The following EEIG2 variants were observed in gnomAD, a reference collection of about 807,000 sequenced individuals.
EEIG2 encodes EEIG family member 2, also known as family with sequence similarity 102 member B.
chr1:108,623,677 A>T, the EEIG2 span, among the ~76,000 whole-genome samples: 8 of 152,084 alleles, frequency 5.3e-5, no homozygotes, highest in African/African-American at 1.7e-4. Context: ...AAATAAAAAA[A>T]TATTTTTTTT....
the EEIG2 span, among the ~76,000 whole-genome samples, chr1:108,607,877 A>G: frequency 1.3e-5 from 2 of 152,174 alleles, no homozygotes; most frequent in African/African-American, 2.4e-5. Context: ...CTGGCCTTCT[A>G]GAGTCTGTCT....
chr1:108,576,482 T>C, the EEIG2 span, among the ~76,000 whole-genome samples: 1 of 128,546 alleles, frequency 7.8e-6, no homozygotes, highest in Admixed American at 8.3e-5. Context: ...GAGTGTGATA[T>C]TCCCCTTCCT....
the EEIG2 span, among the ~76,000 whole-genome samples, chr1:108,588,188 C>T: frequency 1.3e-5 from 2 of 152,116 alleles, no homozygotes; most frequent in Admixed American, 6.6e-5. Context: ...GCAGATATCT[C>T]TTCAAAAAAC....
chr1:108,571,729 C>T, the EEIG2 span, among the ~76,000 whole-genome samples: 3 of 151,986 alleles, frequency 2.0e-5, no homozygotes, highest in Admixed American at 1.3e-4. Flanking sequence ...TAGGTCCTGC[C>T]GCCCACTTCC....
chr1:108,621,066 A>G, the EEIG2 span, among the ~76,000 whole-genome samples: 1 of 152,174 alleles, frequency 6.6e-6, no homozygotes, highest in Non-Finnish European at 1.5e-5. Flanking sequence ...AGTTTATGCC[A>G]TCGTTACAGG....
At chr1:108,613,920 A>G in the EEIG2 span, among the ~76,000 whole-genome samples, 2 of 151,790 alleles carry the variant, frequency 1.3e-5, no homozygotes, top group Non-Finnish European at 1.5e-5. Context: ...TCCTCATCTC[A>G]GTTCCTACTC....
chr1:108,614,627 C>T, the EEIG2 span, among the ~76,000 whole-genome samples: 2 of 152,102 alleles, frequency 1.3e-5, no homozygotes, highest in African/African-American at 4.8e-5. Context: ...ATGGCATGTC[C>T]CCTCTCCTGT....
the EEIG2 span, chr1:108,616,315 A>G: frequency 1.0e-6 from 1 of 976,334 alleles, no homozygotes; most frequent in Non-Finnish European, 1.6e-6. Context: ...AAAATATCGG[A>G]CTAAGTGCTG....
chr1:108,571,984 A>G, the EEIG2 span, among the ~76,000 whole-genome samples: 1 of 152,152 alleles, frequency 6.6e-6, no homozygotes, highest in Non-Finnish European at 1.5e-5. Flanking sequence ...TGAGAAAAAT[A>G]ACTACATTTC....
At chr1:108,586,314 GGTGTGT>G in the EEIG2 span, among the ~76,000 whole-genome samples, 1,031 of 148,086 alleles carry the variant, frequency 7.0e-3, 7 homozygotes, top group African/African-American at 0.023. Flanking sequence ...TACGCAGAGG[GGTGTGT>G]GTGTGTGTGT....
the EEIG2 span, among the ~76,000 whole-genome samples, chr1:108,599,198 A>G: frequency 6.6e-6 from 1 of 152,124 alleles, no homozygotes; most frequent in Non-Finnish European, 1.5e-5. Flanking sequence ...AACAACTGAT[A>G]GATCGTAATA....
chr1:108,620,425 T>A, the EEIG2 span, among the ~76,000 whole-genome samples: 1 of 152,222 alleles, frequency 6.6e-6, no homozygotes, highest in South Asian at 2.1e-4. Context: ...CATAGTTCTC[T>A]ACAACTCATC....
the EEIG2 span, among the ~76,000 whole-genome samples, chr1:108,573,080 T>C: frequency 6.6e-6 from 1 of 152,222 alleles, no homozygotes; most frequent in African/African-American, 2.4e-5. Context: ...TGTTTCTGTG[T>C]AGACATAAGC....
the EEIG2 span, chr1:108,628,113 T>C: frequency 6.8e-7 from 1 of 1,470,492 alleles, no homozygotes; most frequent in Non-Finnish European, 9.5e-7. Context: ...AGAATACAAA[T>C]TGACCATTAA....
At chr1:108,632,736 ATATACTC>A in the EEIG2 span, among the ~76,000 whole-genome samples, 1 of 152,080 alleles carries the variant, frequency 6.6e-6, no homozygotes, top group Non-Finnish European at 1.5e-5. Flanking sequence ...AAATGACATA[ATATACTC>A]AGTAAGCCCT....
chr1:108,612,313 T>G, the EEIG2 span: 1 of 1,515,504 alleles, frequency 6.6e-7, no homozygotes, highest in Non-Finnish European at 9.1e-7. Flanking sequence ...GTTTCAGGAT[T>G]TACTTGTCAA....
chr1:108,639,255 CTTTTTA>C, the EEIG2 span: 1 of 138,802 alleles, frequency 7.2e-6, no homozygotes, highest in Non-Finnish European at 1.6e-5. Flanking sequence ...TTTACAAAAA[CTTTTTA>C]TTTGTAAAAT....
the EEIG2 span, among the ~76,000 whole-genome samples, chr1:108,608,407 T>C: frequency 6.6e-6 from 1 of 152,220 alleles, no homozygotes; most frequent in Non-Finnish European, 1.5e-5. Flanking sequence ...GACTTCCATA[T>C]TACCTGAAAT....
chr1:108,624,765 T>G, the EEIG2 span: 1 of 1,601,632 alleles, frequency 6.2e-7, no homozygotes, highest in African/African-American at 1.3e-5. Flanking sequence ...ATGTGTGGCT[T>G]ACTGGTTTTT....
Sources: gnomAD v4.1 joint callset for allele counts (sites outside exome capture counted in the v4.1 genomes callset) on GRCh38, gnomAD v4.1.1 for gene constraint, MANE v1.5 for transcripts, NCBI Gene and HGNC (gene_info 2026-07-23, HGNC 2026-07-21) for gene names.